ARSJ: variants seen among roughly 807,000 people sequenced by gnomAD.
The protein encoded by ARSJ is arylsulfatase J.
ARSJ carries 26 observed loss-of-function variants against 35.9 expected under a neutral mutation model. The observed-to-expected ratio is 0.72, with a 90% confidence interval of 0.53 to 1.00. The LOEUF is 1.00. Among genes scored for constraint, ARSJ ranks in the 50% least tolerant of loss-of-function variants. ARSJ has a pLI of 0.00. For synonymous variants in ARSJ, 294 were observed against 267.6 expected (o/e 1.10, Z -0.96); for missense variants, 667 against 723.6 (o/e 0.92, Z 0.90).
rs1438554190 is a variant in ARSJ, at chr4:113,979,503, C to T, written c.-669G>A. ...GCCGTTTCCTGATCTCCCTCCACCTCCGCAGAAACTCCGGGCAGCAATTCC... is the reference window on the plus strand; with the variant it reads ...GCCGTTTCCTGATCTCCCTCCACCTTCGCAGAAACTCCGGGCAGCAATTCC... On this transcript the variant is annotated 5_prime_UTR_variant, in exon 1 of 2. Coordinates refer to ENST00000315366, the MANE Select transcript of ARSJ (RefSeq NM_024590.4). The T allele has an allele frequency of 6.6e-6, 1 of 152,364 alleles. No homozygotes were observed. The highest frequency in any genetic ancestry group is 1.5e-5 in the Non-Finnish European group (1 of 68,128). 9.4% of individuals were successfully genotyped at this position (152,364 alleles called of 1,614,324 possible).
intron 1 of ARSJ, among the ~76,000 whole-genome samples, chr4:113,920,949 T>C (rs910947323): frequency 5.9e-5 from 9 of 152,078 alleles, no homozygotes; most frequent in Admixed American, 5.9e-4. Context: ...GCGCTAATAA[T>C]AACAGACTGG....
intron 1 of ARSJ, among the ~76,000 whole-genome samples, chr4:113,941,790 T>C (rs1242068128): frequency 6.6e-6 from 1 of 152,048 alleles, no homozygotes; most frequent in African/African-American, 2.4e-5. Flanking sequence ...CAAGTTAAGA[T>C]GCAACAATTC....
intron 1 of ARSJ, among the ~76,000 whole-genome samples, chr4:113,970,108 G>T (rs113551029): frequency 2.4e-4 from 36 of 152,332 alleles, no homozygotes; most frequent in African/African-American, 8.7e-4. Flanking sequence ...GGCAAAGAGA[G>T]ATAGGGTGTA....
chr4:113,961,895 CTCTGTGTGTGTGTGTG>C (rs1316648066), intron 1 of ARSJ, among the ~76,000 whole-genome samples: 342 of 122,004 alleles, frequency 2.8e-3, no homozygotes, highest in African/African-American at 0.01. Flanking sequence ...CTCTCTCTCT[CTCTGTGTGTGTGTGTG>C]TGTGTGTGTG....
At chr4:113,950,547 AAG>A (rs1725799238) in intron 1 of ARSJ, among the ~76,000 whole-genome samples, 1 of 152,042 alleles carries the variant, frequency 6.6e-6, no homozygotes, top group South Asian at 2.1e-4. Context: ...AAGAGAGAGA[AAG>A]AGGGAAAAAG....
At chr4:113,933,158 T>G (rs957239000) in intron 1 of ARSJ, among the ~76,000 whole-genome samples, 1 of 151,584 alleles carries the variant, frequency 6.6e-6, no homozygotes, top group Non-Finnish European at 1.5e-5. Flanking sequence ...AATAGAACCA[T>G]GAAGAAACAG....
chr4:113,913,151 C>T (rs1294532197), intron 1 of ARSJ, among the ~76,000 whole-genome samples: 1 of 152,094 alleles, frequency 6.6e-6, no homozygotes, highest in African/African-American at 2.4e-5. Context: ...TTTCACTACA[C>T]AAGCAGATAA....
intron 1 of ARSJ, among the ~76,000 whole-genome samples, chr4:113,963,377 C>T (rs1488596944): frequency 6.6e-6 from 1 of 151,964 alleles, no homozygotes; most frequent in Non-Finnish European, 1.5e-5. Context: ...AACTTACAAT[C>T]ATGGGGGAAA....
chr4:113,926,713 G>A (rs1594425799), intron 1 of ARSJ, among the ~76,000 whole-genome samples: 1 of 152,138 alleles, frequency 6.6e-6, no homozygotes, highest in East Asian at 1.9e-4. Flanking sequence ...CCCACTTTAT[G>A]GGTAGATGGG....
intron 1 of ARSJ, among the ~76,000 whole-genome samples, chr4:113,973,309 C>T (rs143505762): frequency 2.7e-3 from 413 of 152,280 alleles, no homozygotes; most frequent in Non-Finnish European, 4.8e-3. Flanking sequence ...TTTCAACTTT[C>T]CAAGTTTACT....
chr4:113,957,143 C>A (rs1050376968), intron 1 of ARSJ, among the ~76,000 whole-genome samples: 2 of 151,932 alleles, frequency 1.3e-5, no homozygotes, highest in Non-Finnish European at 2.9e-5. Context: ...CAAGCAAGGG[C>A]AGGTTTGGGG....
intron 1 of ARSJ, among the ~76,000 whole-genome samples, chr4:113,956,137 T>C (rs1043757366): frequency 2.2e-4 from 33 of 152,174 alleles, no homozygotes; most frequent in Middle Eastern, 3.4e-3. Flanking sequence ...GACAGGGTTT[T>C]GTCATGTTGC....
At position 113,902,223 on chromosome 4, in the gene ARSJ, G is replaced by T; in HGVS notation, c.*51C>A. The T allele has an allele frequency of 6.2e-7, 1 of 1,600,868 alleles. No homozygotes were observed. The highest frequency in any genetic ancestry group is 2.2e-5 in the East Asian group (1 of 44,886). ...AATTTGCTGGTTTACCTAGGAAACA[G>T]ATGAAAGATAAGAACTGATTAAAGT... On this transcript the variant is annotated 3_prime_UTR_variant, in exon 2 of 2. Coordinates refer to ENST00000315366, the MANE Select transcript of ARSJ (RefSeq NM_024590.4).
Position 113,903,561 on chromosome 4 carries a change from C to A in ARSJ, c.513G>T (p.Thr171=). The change falls in exon 2 of 2, where the codon ACG becomes ACT. Residue 171 remains threonine (T), a synonymous_variant. Transcript: ENST00000315366. The part of the protein sequence containing the change: ...PQKLKEVGYS[T]HMVGKWHLGF... Reference sequence around the variant, plus strand: ...CCAAGTGCCATTTTCCGACCATATGCGTTGAATATCCAACCTCCTTCAGTT... The same window carrying A: ...CCAAGTGCCATTTTCCGACCATATGAGTTGAATATCCAACCTCCTTCAGTT... 2 of 1,614,156 alleles carry A rather than the reference C, an allele frequency of 1.2e-6. No individual in the cohort carries two copies. Among genetic ancestry groups the A allele is most frequent in the Non-Finnish European group, 1.7e-6 (2 of 1,180,014 alleles).
intron 1 of ARSJ, among the ~76,000 whole-genome samples, chr4:113,946,777 G>A (rs1725516069): frequency 6.6e-6 from 1 of 152,018 alleles, no homozygotes; most frequent in South Asian, 2.1e-4. Flanking sequence ...CGTTCCATGA[G>A]GAAACAAAGG....
Position 113,902,762 on chromosome 4 carries a change from A to C in ARSJ, c.1312T>G (p.Tyr438Asp). 3 of 1,614,190 alleles carry C rather than the reference A, an allele frequency of 1.9e-6. No homozygotes were observed. Among genetic ancestry groups the C allele is most frequent in the Non-Finnish European group, 2.5e-6 (3 of 1,180,036 alleles). Residue 438 changes from tyrosine to aspartate, a missense_variant, in exon 2 of 2, where the codon TAT becomes GAT. Physicochemically the swap from Tyr to Asp is radical, Grantham distance 160. Transcript: ENST00000315366. ...KAKNGSWAAG[Y>D]GIWNTAIQSA... ...TGGATTGCAGTGTTCCAGATCCCAT[A>C]GCCTGCTGCCCAGGAGCCATTTTTT...
chr4:113,926,729 A>G (rs1229003117), intron 1 of ARSJ, among the ~76,000 whole-genome samples: 1 of 152,186 alleles, frequency 6.6e-6, no homozygotes, highest in Non-Finnish European at 1.5e-5. Context: ...ATGGGTCAGA[A>G]AGCATCCAGT....
chr4:113,959,748 A>C (rs750302058), intron 1 of ARSJ, among the ~76,000 whole-genome samples: 1 of 152,084 alleles, frequency 6.6e-6, no homozygotes, highest in Non-Finnish European at 1.5e-5. Context: ...TAACTGTTTC[A>C]TCAGAATGTG....
chr4:113,948,520 A>G lies in ARSJ; in HGVS notation c.398+29917T>C, dbSNP rs74390509. On this transcript the variant is annotated intron_variant, in intron 1 of 1. Transcript: ENST00000315366. ...AGGCAGCTTTATTTATTTTAAAACTAAACCACTTATCCTTTATTATGCTAC... is the reference window on the plus strand; with the variant it reads ...AGGCAGCTTTATTTATTTTAAAACTGAACCACTTATCCTTTATTATGCTAC... 3.2e-3 allele frequency among the ~76,000 whole-genome samples: 488 copies of G among 152,256 alleles called. 2 individuals are homozygous for G. The highest frequency in any genetic ancestry group is 0.011 in the African/African-American group (461 of 41,580).
Sources: allele counts gnomAD v4.1 joint callset (sites outside exome capture counted in the v4.1 genomes callset), GRCh38; gene constraint gnomAD v4.1.1; transcripts MANE v1.5; gene names NCBI Gene and HGNC (gene_info 2026-07-23, HGNC 2026-07-21).